Variants in ISCU observed in about 807,000 individuals in gnomAD.
The protein encoded by ISCU is iron-sulfur cluster assembly enzyme ISCU.
A neutral mutation model predicts 18.4 loss-of-function variants in ISCU; 13 were observed. The observed-to-expected ratio is 0.71, with a 90% CI of 0.46 to 1.12. The LOEUF (loss-of-function observed/expected upper bound fraction) is 1.12. ISCU is among the 50% of genes most tolerant of loss of function. ISCU has a pLI of 0.00. For missense variants in ISCU, 229 were observed against 208.7 expected (o/e 1.10, Z -0.60); for synonymous variants, 104 against 87.5 (o/e 1.19, Z -1.06).
At chr12:108,568,526 A>G in intron 4 of ISCU, 1 of 1,268,664 alleles carries the variant, frequency 7.9e-7, no homozygotes, top group Non-Finnish European at 1.0e-6. Flanking sequence ...TCCCCACACT[A>G]TCCTGGCAAG....
rs1454456783 is a variant in ISCU, at chr12:108,564,325, A to G, written c.161A>G (p.Lys54Arg). 1.2e-6 allele frequency: 2 copies of G among 1,614,124 alleles called. No homozygotes were observed. Among genetic ancestry groups the G allele is most frequent in the Non-Finnish European group, 1.7e-6 (2 of 1,180,050 alleles). Residue 54 changes from lysine (K) to arginine (R), a missense_variant, in exon 2 of 5, where the codon AAG becomes AGG. Transcript: ENST00000311893. ...CCTAGAAACGTGGGGTCCCTTGACAAGACATCTAAAAATGTTGGAACTGGA... is the reference window on the plus strand; with the variant it reads ...CCTAGAAACGTGGGGTCCCTTGACAGGACATCTAAAAATGTTGGAACTGGA... ...ENPRNVGSLD[K>R]TSKNVGTGLV...
At chr12:108,567,538 A>G in intron 4 of ISCU, 1 of 835,108 alleles carries the variant, frequency 1.2e-6, no homozygotes, top group Non-Finnish European at 1.9e-6. Flanking sequence ...CCTTGAGTGC[A>G]CAGTAGATGT....
At chr12:108,562,437 A>C (rs1051103396), upstream of ISCU, 8 of 439,088 alleles carry the variant, frequency 1.8e-5, no homozygotes, top group Non-Finnish European at 2.8e-5. Flanking sequence ...CCCGCTCCCG[A>C]CCCCGCCCGC....
intron 3 of ISCU, among the ~76,000 whole-genome samples, chr12:108,566,831 C>T (rs1216921989): frequency 6.6e-6 from 1 of 152,200 alleles, no homozygotes; most frequent in African/African-American, 2.4e-5. Context: ...ATCGGAGAAG[C>T]TGATATTCAC....
At position 108,562,715 on chromosome 12, in the gene ISCU, G is replaced by A. The variant is rs1240240850; in HGVS notation, c.93G>A (p.Pro31=). ...TGCCCGCCCGGGAGCTGTCGGCCCC[G>A]GCCCGACTCTATCACAAGAAGGTAG... ...PRLPARELSA[P]ARLYHKKVVD... The change falls in exon 1 of 5, where the codon CCG becomes CCA. Residue 31 remains proline, a synonymous_variant. Coordinates refer to ENST00000311893, the MANE Select transcript of ISCU (RefSeq NM_213595.4). 2.7e-6 allele frequency: 4 copies of A among 1,491,054 alleles called. No individual in the cohort carries two copies. Among genetic ancestry groups the A allele is most frequent in the Non-Finnish European group, 3.5e-6 (4 of 1,130,730 alleles). The allele number at this position is 1,491,054 out of a possible 1,614,324, so 92.4% of individuals were successfully genotyped here. A position where few individuals can be genotyped will look rare whatever the true frequency, so the allele number is the denominator to read the frequency against.
upstream of ISCU, chr12:108,562,574 C>T: frequency 1.8e-6 from 2 of 1,122,238 alleles, no homozygotes; most frequent in Non-Finnish European, 2.3e-6. Flanking sequence ...CGCAGACGCG[C>T]CCCGCCCCTC....
chr12:108,562,708 C>A lies in ISCU; in HGVS notation c.86C>A (p.Ser29Ter), dbSNP rs1215764545. 1 of 1,487,298 alleles carries A rather than the reference C, an allele frequency of 6.7e-7. No homozygotes were observed. Among genetic ancestry groups the A allele is most frequent in the Non-Finnish European group, 8.9e-7 (1 of 1,128,762 alleles). 92.1% of individuals were successfully genotyped at this position (1,487,298 alleles called of 1,614,324 possible). Residue 29 changes from serine to a stop codon, truncating the protein, a stop_gained, in exon 1 of 5, where the codon TCG (serine) becomes TAG (stop). Coordinates refer to ENST00000311893, the MANE Select transcript of ISCU (RefSeq NM_213595.4). LOFTEE classifies it high-confidence loss of function. ...CCCCGCCTGCCCGCCCGGGAGCTGT[C>A]GGCCCCGGCCCGACTCTATCACAAG... ...RSPRLPARELSAPARLYHKKV... is the reference protein window; with the variant it reads ...RSPRLPAREL
At position 108,565,571 on chromosome 12, in the gene ISCU, CTAGG is replaced by C. The variant is rs562459011; in HGVS notation, c.339+142_339+145del. On this transcript the variant is annotated intron_variant, in intron 3 of 4. Coordinates refer to ENST00000311893, the MANE Select transcript of ISCU (RefSeq NM_213595.4). ...AAATTGGGAATTATGGATCATTCTA[CTAGG>C]TGTTGTTTGGGTTTTTTTCTTGTTG... The C allele has an allele frequency of 2.9e-4, 194 of 672,688 alleles. 1 individual carries two copies. The South Asian group carries it at 3.2e-3, about 11-fold the overall frequency. 41.7% of individuals were successfully genotyped at this position (672,688 alleles called of 1,614,324 possible).
rs2031034571 is a variant in ISCU, at chr12:108,569,058, C to T, written c.*142C>T. The T allele has an allele frequency of 2.8e-6, 2 of 716,868 alleles. No homozygotes were observed. Among genetic ancestry groups the T allele is most frequent in the Admixed American group, 2.3e-5 (1 of 43,700 alleles). The allele number at this position is 716,868 out of a possible 1,614,324, so 44.4% of individuals were successfully genotyped here. A position where few individuals can be genotyped will look rare whatever the true frequency, so the allele number is the denominator to read the frequency against. On this transcript the variant is annotated 3_prime_UTR_variant, in exon 5 of 5. Transcript: ENST00000311893. ...AATACTTGCTGTTCACGTTATGACT[C>T]TCATGCAAGCAAAATACACAGTTTC...
intron 1 of ISCU, 195 bp from the exon 2 acceptor site, chr12:108,564,084 T>C: frequency 6.2e-7 from 1 of 1,610,870 alleles, no homozygotes. Flanking sequence ...TGAAGTATTG[T>C]AGAGGAGACA....
chr12:108,566,958 T>C (rs1454569182), intron 3 of ISCU, among the ~76,000 whole-genome samples: 1 of 152,248 alleles, frequency 6.6e-6, no homozygotes, highest in East Asian at 1.9e-4. Flanking sequence ...GTGTCTGGGC[T>C]GTCTTTGCTT....
At position 108,562,675 on chromosome 12, in the gene ISCU, T is replaced by A; in HGVS notation, c.53T>A (p.Leu18Gln). ...AGGCGGGCGGCATCGGCTCTGCTGC[T>A]GCGGAGCCCCCGCCTGCCCGCCCGG... The part of the protein sequence containing the change: ...RLRRAASALL[L>Q]RSPRLPAREL... Residue 18 changes from leucine (L) to glutamine (Q), a missense_variant, in exon 1 of 5, where the codon CTG becomes CAG. By Grantham distance (113) the Leu-to-Gln change is moderately radical. Coordinates refer to ENST00000311893, the MANE Select transcript of ISCU (RefSeq NM_213595.4). 1 of 1,454,560 alleles carries A rather than the reference T, an allele frequency of 6.9e-7. No homozygotes were observed. The highest frequency in any genetic ancestry group is 1.4e-5 in the South Asian group (1 of 71,602). 90.1% of individuals were successfully genotyped at this position (1,454,560 alleles called of 1,614,324 possible).
At chr12:108,561,556 C>G (rs1202609095), upstream of ISCU, among the ~76,000 whole-genome samples, 2 of 152,206 alleles carry the variant, frequency 1.3e-5, no homozygotes, top group African/African-American at 2.4e-5. Context: ...CTTGGGTTTA[C>G]TCTCCCCAGC....
intron 3 of ISCU, among the ~76,000 whole-genome samples, chr12:108,565,670 C>T (rs2030864247): frequency 6.6e-6 from 1 of 152,112 alleles, no homozygotes; most frequent in Admixed American, 6.5e-5. Context: ...GTCCCTCTAA[C>T]AAAATAGAAT....
chr12:108,568,001 C>T (rs1201734513), intron 4 of ISCU: 1 of 1,531,280 alleles, frequency 6.5e-7, no homozygotes, highest in Admixed American at 2.0e-5. Context: ...AGCAGAGAGT[C>T]AGGCCTCTTG....
chr12:108,562,397 A>G (rs2030617048), upstream of ISCU, among the ~76,000 whole-genome samples: 4 of 152,248 alleles, frequency 2.6e-5, no homozygotes, highest in South Asian at 8.3e-4. Flanking sequence ...TCCAGCACCC[A>G]GGACAAGCCC....
chr12:108,567,981 G>C, intron 4 of ISCU: 3 of 1,524,466 alleles, frequency 2.0e-6, no homozygotes, highest in Non-Finnish European at 2.6e-6. Flanking sequence ...AACCAAATTA[G>C]TTAAAAATCA....
At position 108,568,834 on chromosome 12, in the gene ISCU, T is replaced by C. The variant is rs1434646948; in HGVS notation, c.422T>C (p.Leu141Pro). The C allele has an allele frequency of 6.2e-7, 1 of 1,613,038 alleles. No individual in the cohort carries two copies. Among genetic ancestry groups the C allele is most frequent in the Non-Finnish European group, 8.5e-7 (1 of 1,179,600 alleles). ...LPPVKLHCSMLAEDAIKAALA... is the reference protein window; with the variant it reads ...LPPVKLHCSMPAEDAIKAALA... ...TCTTTCCTTCCGTTACTTCCAGTGC[T>C]GGCTGAAGATGCAATCAAGGCCGCC... The change falls in exon 5 of 5, where the codon CTG becomes CCG. Residue 141 changes from leucine (L) to proline (P), a missense_variant. By Grantham distance (98) the Leu-to-Pro change is moderately conservative. Coordinates refer to ENST00000311893, the MANE Select transcript of ISCU (RefSeq NM_213595.4).
chr12:108,567,690 C>CA (rs2030964845), intron 4 of ISCU: 2 of 1,535,916 alleles, frequency 1.3e-6, no homozygotes, highest in African/African-American at 1.4e-5. Context: ...GGAGAAAACT[C>CA]AGCTTTCGCC....
Sources: allele counts gnomAD v4.1 joint callset (sites outside exome capture counted in the v4.1 genomes callset), GRCh38; gene constraint gnomAD v4.1.1; transcripts MANE v1.5; gene names NCBI Gene and HGNC (gene_info 2026-07-23, HGNC 2026-07-21).